Variants in SPATS2L observed in about 807,000 individuals in gnomAD.
The protein encoded by SPATS2L is spermatogenesis associated serine rich 2 like, also known as SPATS2-like protein.
A neutral mutation model predicts 59.6 loss-of-function variants in SPATS2L; 30 were observed. The ratio of observed to expected loss-of-function variants is 0.50; its 90% confidence interval spans 0.38 to 0.68. The LOEUF is 0.68. Among genes scored for constraint, SPATS2L ranks in the 30% least tolerant of loss-of-function variants. SPATS2L has a pLI of 0.00. For missense variants in SPATS2L, 615 were observed against 700.0 expected, an observed-to-expected ratio of 0.88 and a Z score of 1.37; for synonymous variants, 252 against 263.5, an observed-to-expected ratio of 0.96 and a Z score of 0.42.
intron 1 of SPATS2L, among the ~76,000 whole-genome samples, chr2:200,323,871 T>C (rs1020794834): frequency 1.3e-5 from 2 of 152,228 alleles, no homozygotes; most frequent in African/African-American, 4.8e-5. Context: ...CAGAAAATTA[T>C]AGGCAACTCT....
chr2:200,327,965 T>C (rs186722041), intron 1 of SPATS2L, among the ~76,000 whole-genome samples: 2 of 152,360 alleles, frequency 1.3e-5, no homozygotes, highest in African/African-American at 4.8e-5. Context: ...GCTGAGTTCT[T>C]GTCACTTCGG....
intron 6 of SPATS2L, among the ~76,000 whole-genome samples, chr2:200,428,043 C>G (rs915838497): frequency 6.8e-5 from 8 of 117,136 alleles, no homozygotes; most frequent in African/African-American, 2.7e-4. Flanking sequence ...GCACTCCAGC[C>G]TGGGTGACAG....
chr2:200,394,557 G>T (rs2082272794), intron 3 of SPATS2L, among the ~76,000 whole-genome samples: 1 of 152,116 alleles, frequency 6.6e-6, no homozygotes, highest in Non-Finnish European at 1.5e-5. Flanking sequence ...ATACATAGTT[G>T]ACCCCCAGAT....
intron 3 of SPATS2L, among the ~76,000 whole-genome samples, chr2:200,393,477 CA>C (rs2082233832): frequency 6.6e-6 from 1 of 152,232 alleles, no homozygotes; most frequent in Non-Finnish European, 1.5e-5. Context: ...AGTGTTTTCC[CA>C]CTGCATTTCC....
At chr2:200,307,154 G>A (rs2079046210) in intron 1 of SPATS2L, among the ~76,000 whole-genome samples, 1 of 151,114 alleles carries the variant, frequency 6.6e-6, no homozygotes, top group Admixed American at 6.6e-5. Flanking sequence ...TCTCCAGCCG[G>A]CGCGGGCAAG....
intron 2 of SPATS2L, among the ~76,000 whole-genome samples, chr2:200,361,164 G>T (rs1187984929): frequency 7.0e-6 from 1 of 142,482 alleles, no homozygotes; most frequent in Non-Finnish European, 1.5e-5. Context: ...TTTGCAATCT[G>T]TGGCACATTA....
At chr2:200,433,171 G>T (rs2084052471) in intron 6 of SPATS2L, among the ~76,000 whole-genome samples, 1 of 152,136 alleles carries the variant, frequency 6.6e-6, no homozygotes, top group Non-Finnish European at 1.5e-5. Context: ...AATGATTCCA[G>T]ATCCATGAAG....
intron 1 of SPATS2L, among the ~76,000 whole-genome samples, chr2:200,320,218 T>C (rs980759159): frequency 2.6e-5 from 4 of 152,192 alleles, no homozygotes; most frequent in Admixed American, 1.3e-4. Flanking sequence ...GGTCTACTTA[T>C]TGCCACACAG....
At chr2:200,370,567 G>T (rs1023382726) in intron 2 of SPATS2L, among the ~76,000 whole-genome samples, 1 of 152,086 alleles carries the variant, frequency 6.6e-6, no homozygotes, top group African/African-American at 2.4e-5. Flanking sequence ...GAATGGTGAT[G>T]ATTTTGATGA....
chr2:200,381,392 C>T (rs2081806035), intron 2 of SPATS2L, among the ~76,000 whole-genome samples: 1 of 152,178 alleles, frequency 6.6e-6, no homozygotes, highest in South Asian at 2.1e-4. Flanking sequence ...TTTCCTCCAA[C>T]CTGGAGATCT....
chr2:200,421,857 C>T (rs9917376), intron 6 of SPATS2L, among the ~76,000 whole-genome samples: 18,906 of 152,148 alleles, frequency 0.12, 1,268 homozygotes, highest in African/African-American at 0.16. Context: ...TTTCAAAATC[C>T]AATTACTCAA....
At chr2:200,449,687 A>G (rs1358154338) in intron 8 of SPATS2L, among the ~76,000 whole-genome samples, 1 of 152,226 alleles carries the variant, frequency 6.6e-6, no homozygotes, top group African/African-American at 2.4e-5. Flanking sequence ...AAAAATATAT[A>G]TGCAATATAG....
chr2:200,450,882 A>G (rs1320805943), intron 8 of SPATS2L, among the ~76,000 whole-genome samples: 1 of 152,230 alleles, frequency 6.6e-6, no homozygotes, highest in African/African-American at 2.4e-5. Flanking sequence ...GTTCCATTGC[A>G]GAGGTGACCT....
intron 2 of SPATS2L, among the ~76,000 whole-genome samples, chr2:200,388,941 CATAATAGGAAGA>C (rs2082084781): frequency 1.3e-5 from 2 of 152,238 alleles, no homozygotes; most frequent in Admixed American, 1.3e-4. Context: ...CTTTCTTTTA[CATAATAGGAAGA>C]AACACAATTT....
chr2:200,457,812 T>C (rs2028202), intron 8 of SPATS2L, among the ~76,000 whole-genome samples: 150,450 of 152,358 alleles, frequency 0.99, 74,305 homozygotes, highest in East Asian at 1. Context: ...GAGGAGCCCC[T>C]AAACTGCTAT....
At chr2:200,476,050 G>C (rs544875922) in intron 12 of SPATS2L, among the ~76,000 whole-genome samples, 1 of 152,170 alleles carries the variant, frequency 6.6e-6, no homozygotes, top group African/African-American at 2.4e-5. Context: ...TGCATGGTGA[G>C]AAACCCCATT....
chr2:200,394,369 C>T (rs558603239), intron 3 of SPATS2L, among the ~76,000 whole-genome samples: 1 of 152,264 alleles, frequency 6.6e-6, no homozygotes, highest in East Asian at 1.9e-4. Context: ...TCCTACCCTG[C>T]CTGAATGATT....
At chr2:200,443,545 A>G (rs964977073) in intron 8 of SPATS2L, among the ~76,000 whole-genome samples, 2 of 152,180 alleles carry the variant, frequency 1.3e-5, no homozygotes, top group African/African-American at 4.8e-5. Context: ...CACAAGCGAC[A>G]TAGATGTATA....
intron 2 of SPATS2L, among the ~76,000 whole-genome samples, chr2:200,386,349 T>C (rs935993897): frequency 6.6e-6 from 1 of 152,238 alleles, no homozygotes; most frequent in Non-Finnish European, 1.5e-5. Context: ...AATAAAATTA[T>C]GATTTGAATA....
Sources: allele counts gnomAD v4.1 joint callset (sites outside exome capture counted in the v4.1 genomes callset), GRCh38; gene constraint gnomAD v4.1.1; transcripts MANE v1.5; gene names NCBI Gene and HGNC (gene_info 2026-07-23, HGNC 2026-07-21).